The following SAXO1 variants were observed in gnomAD, a reference collection of about 807,000 sequenced individuals.
SAXO1 encodes stabilizer of axonemal microtubules 1.
SAXO1 carries 21 observed loss-of-function variants against 17.5 expected under a neutral mutation model. That is an observed-to-expected ratio of 1.20 (90% CI 0.85 to 1.72). The LOEUF is 1.72. Among genes scored for constraint, SAXO1 ranks in the 40% most tolerant of loss-of-function variants. The pLI is 0.00. For missense variants in SAXO1, 843 were observed against 596.0 expected (o/e 1.41, Z -4.32); for synonymous variants, 274 against 216.5 (o/e 1.27, Z -2.33).
Position 18,963,914 on chromosome 9 carries a change from T to C in SAXO1, c.39-12977A>G, listed in dbSNP as rs549815666. Among the ~76,000 whole-genome samples, 7 of 152,360 alleles carry C rather than the reference T, an allele frequency of 4.6e-5. No individual in the cohort carries two copies. In the South Asian group the frequency reaches 1.2e-3, roughly 27 times the overall value. On this transcript the variant is annotated intron_variant, in intron 1 of 3. Coordinates refer to ENST00000380534, the MANE Select transcript of SAXO1 (RefSeq NM_153707.4). Reference sequence around the variant, plus strand: ...TCCAGTTTTTGCCCATTCAGTATGATACTGGCTGTGGGTTTGTCATAAATA... The same window carrying C: ...TCCAGTTTTTGCCCATTCAGTATGACACTGGCTGTGGGTTTGTCATAAATA...
chr9:18,999,072 A>G (rs960686258), intron 1 of SAXO1, among the ~76,000 whole-genome samples: 9 of 152,258 alleles, frequency 5.9e-5, no homozygotes, highest in Non-Finnish European at 1.0e-4. Context: ...ACCAGCTAGC[A>G]TCATAATGAC....
chr9:18,949,117 A>C (rs982092051), intron 2 of SAXO1, among the ~76,000 whole-genome samples: 4 of 152,236 alleles, frequency 2.6e-5, no homozygotes, highest in African/African-American at 9.6e-5. Context: ...AATGAAGCCC[A>C]AACTTTAGTG....
intron 2 of SAXO1, among the ~76,000 whole-genome samples, chr9:18,942,961 A>T (rs910630491): frequency 6.6e-6 from 1 of 152,242 alleles, no homozygotes; most frequent in African/African-American, 2.4e-5. Context: ...TGTCAAGGGA[A>T]GGGGAAGGTT....
rs568695846 is a variant in SAXO1 at position 18,983,634 on chromosome 9, G to T, written c.39-32697C>A. Among the ~76,000 whole-genome samples the T allele has an allele frequency of 1.0e-3, 153 of 152,284 alleles. 5 individuals carry two copies. The highest frequency in any genetic ancestry group is 3.7e-3 in the South Asian group (18 of 4,826). Reference sequence around the variant, plus strand: ...TTATCATGAGAGTGCAGTAATTTATGTCTTCAGGGTCCACTTCTAATTCTA... The same window carrying T: ...TTATCATGAGAGTGCAGTAATTTATTTCTTCAGGGTCCACTTCTAATTCTA... On this transcript the variant is annotated intron_variant, in intron 1 of 3. Coordinates refer to ENST00000380534, the MANE Select transcript of SAXO1 (RefSeq NM_153707.4).
chr9:19,020,863 A>G (rs1157366453), intron 1 of SAXO1, among the ~76,000 whole-genome samples: 1 of 152,204 alleles, frequency 6.6e-6, no homozygotes, highest in Non-Finnish European at 1.5e-5. Context: ...CATTGTTTTA[A>G]GCAGGTAAAA....
intron 1 of SAXO1, among the ~76,000 whole-genome samples, chr9:18,988,208 C>A (rs1474233241): frequency 6.6e-6 from 1 of 152,178 alleles, no homozygotes; most frequent in Non-Finnish European, 1.5e-5. Context: ...TGAGTATCAG[C>A]AATAAAAAAG....
chr9:18,984,084 T>C (rs977199116), intron 1 of SAXO1, among the ~76,000 whole-genome samples: 1 of 152,238 alleles, frequency 6.6e-6, no homozygotes, highest in Non-Finnish European at 1.5e-5. Flanking sequence ...AAGTGTATTG[T>C]CAATGAACAG....
chr9:18,980,021 T>C (rs1020449050), intron 1 of SAXO1, among the ~76,000 whole-genome samples: 3 of 152,108 alleles, frequency 2.0e-5, no homozygotes, highest in Admixed American at 2.0e-4. Context: ...CCTGGTGGTA[T>C]AACTTTCTGA....
At chr9:18,960,269 G>A (rs1832431423) in intron 1 of SAXO1, among the ~76,000 whole-genome samples, 1 of 152,196 alleles carries the variant, frequency 6.6e-6, no homozygotes, top group Admixed American at 6.5e-5. Flanking sequence ...CTCAGAGGGA[G>A]ACACAGAAAG....
chr9:18,968,719 G>A (rs1456831760), intron 1 of SAXO1, among the ~76,000 whole-genome samples: 6 of 151,860 alleles, frequency 4.0e-5, no homozygotes, highest in African/African-American at 9.7e-5. Context: ...TCAGCCTCTG[G>A]AGTAGCTGGG....
intron 1 of SAXO1, among the ~76,000 whole-genome samples, chr9:18,996,263 A>G (rs1375191891): frequency 6.6e-6 from 1 of 152,188 alleles, no homozygotes; most frequent in Non-Finnish European, 1.5e-5. Context: ...AGTCCCAGAA[A>G]TCATCCTTAT....
At chr9:18,957,720 G>C (rs796590004) in intron 1 of SAXO1, among the ~76,000 whole-genome samples, 7 of 152,180 alleles carry the variant, frequency 4.6e-5, no homozygotes, top group African/African-American at 1.7e-4. Context: ...CGAAAACTCT[G>C]GATACTACAG....
rs118081506 is a variant in SAXO1 at position 18,932,327 on chromosome 9, G to A, written c.422-3272C>T. 8.5e-5 allele frequency among the ~76,000 whole-genome samples: 13 copies of A among 152,320 alleles called. No individual in the cohort carries two copies. The East Asian group carries it at 2.5e-3, about 29-fold the overall frequency. On this transcript the variant is annotated intron_variant, in intron 3 of 3. Coordinates refer to ENST00000380534, the MANE Select transcript of SAXO1 (RefSeq NM_153707.4). The stretch of plus-strand genomic sequence containing the variant: ...AAGTGCCTAGGCATCTTTGTGAGAA[G>A]TTAACGACAATAGACATAAAGGCTT...
intron 1 of SAXO1, among the ~76,000 whole-genome samples, chr9:18,986,876 T>G (rs1833616104): frequency 6.6e-6 from 1 of 152,150 alleles, no homozygotes; most frequent in South Asian, 2.1e-4. Flanking sequence ...TTTAATAAAA[T>G]CAGCATGACA....
At chr9:18,931,399 T>C (rs1831044121) in intron 3 of SAXO1, among the ~76,000 whole-genome samples, 1 of 152,224 alleles carries the variant, frequency 6.6e-6, no homozygotes, top group African/African-American at 2.4e-5. Context: ...ATTTTGTTTA[T>C]CATTCACCAA....
intron 1 of SAXO1, among the ~76,000 whole-genome samples, chr9:18,972,254 T>G (rs1283480379): frequency 1.3e-5 from 2 of 152,314 alleles, no homozygotes; most frequent in South Asian, 2.1e-4. Flanking sequence ...AAAAATAAGA[T>G]TCACAAAAAT....
chr9:18,930,805 T>C (rs1045141461), intron 3 of SAXO1, among the ~76,000 whole-genome samples: 2 of 152,204 alleles, frequency 1.3e-5, no homozygotes, highest in African/African-American at 4.8e-5. Flanking sequence ...GGCCTACTGC[T>C]GGCATTCTTT....
chr9:19,038,759 TA>T lies in SAXO1; in HGVS notation c.-158+10449del, dbSNP rs538521108. 4.7e-3 allele frequency among the ~76,000 whole-genome samples: 677 copies of T among 143,358 alleles called. 5 individuals carry two copies. The highest frequency in any genetic ancestry group is 0.016 in the African/African-American group (630 of 38,944). 94.0% of individuals were successfully genotyped at this position (143,358 alleles called of 152,430 possible). A position where few individuals can be genotyped will look rare whatever the true frequency, so the allele number is the denominator to read the frequency against. On this transcript the variant is annotated intron_variant, in intron 1 of 3. Transcript: ENST00000542071. The stretch of plus-strand genomic sequence containing the variant: ...TACCCTAAAACTTAAAGTATAATAA[TA>T]AAAAAAAAAGAATAAATGGCTGTGT...
intron 1 of SAXO1, 49 bp from the exon 2 acceptor site, chr9:18,950,986 C>T: frequency 6.5e-7 from 1 of 1,544,312 alleles, no homozygotes; most frequent in Non-Finnish European, 8.8e-7. Context: ...GAGAAAAAAA[C>T]CCAATTTCCT....
Sources: gnomAD v4.1 joint callset for allele counts (sites outside exome capture counted in the v4.1 genomes callset) on GRCh38, gnomAD v4.1.1 for gene constraint, MANE v1.5 for transcripts, NCBI Gene and HGNC (gene_info 2026-07-23, HGNC 2026-07-21) for gene names.